RTL4: variants seen among roughly 807,000 people sequenced by gnomAD.
The protein encoded by RTL4 is retrotransposon Gag-like protein 4.
A neutral mutation model predicts 5.3 loss-of-function variants in RTL4; 4 were observed. That is an observed-to-expected ratio of 0.75 (90% CI 0.37 to 1.72). The LOEUF (loss-of-function observed/expected upper bound fraction) is 1.72, where lower values mean the gene tolerates loss of function less well. Ranked by LOEUF, RTL4 falls within the 40% of genes most tolerant of loss-of-function variation. The pLI is 0.04. For missense variants in RTL4, 260 were observed against 227.1 expected (o/e 1.14, Z -0.93); for synonymous variants, 98 against 87.3 (o/e 1.12, Z -0.68).
the RTL4 span, among the ~76,000 whole-genome samples, chrX:112,222,739 G>GAAAA: frequency 3.0e-5 from 3 of 101,669 alleles, no homozygotes; most frequent in South Asian, 1.3e-3. Flanking sequence ...ACTTAAGAAA[G>GAAAA]AAAAAAAAAA....
the RTL4 span, among the ~76,000 whole-genome samples, chrX:112,363,282 G>A: frequency 9.0e-6 from 1 of 111,179 alleles, no homozygotes; most frequent in Non-Finnish European, 1.9e-5. Flanking sequence ...GGGAAATGAA[G>A]ACATACATAA....
chrX:112,352,816 A>C, the RTL4 span, among the ~76,000 whole-genome samples: 191 of 111,710 alleles, frequency 1.7e-3, no homozygotes, highest in African/African-American at 5.9e-3. Context: ...GCAACAAAAG[A>C]CAAAATTGAC....
At chrX:112,451,151 ACAGT>A (rs1254473972), upstream of RTL4, among the ~76,000 whole-genome samples, 2 of 112,012 alleles carry the variant, frequency 1.8e-5, no homozygotes, top group Admixed American at 1.9e-4. Flanking sequence ...ATTCTAAAAC[ACAGT>A]CAGATAACAG....
At chrX:112,172,940 G>T in the RTL4 span, among the ~76,000 whole-genome samples, 1 of 107,045 alleles carries the variant, frequency 9.3e-6, no homozygotes, top group Admixed American at 1.0e-4. Context: ...TCATTTATAA[G>T]TGGGAGCTGA....
chrX:112,262,424 C>T, the RTL4 span, among the ~76,000 whole-genome samples: 14 of 112,176 alleles, frequency 1.2e-4, no homozygotes, highest in East Asian at 2.0e-3. Flanking sequence ...ATTTATGCAG[C>T]CAACAGACAC....
chrX:112,262,741 ACG>A, the RTL4 span, among the ~76,000 whole-genome samples: 1 of 111,133 alleles, frequency 9.0e-6, no homozygotes, highest in African/African-American at 3.3e-5. Flanking sequence ...AGACACATGC[ACG>A]TGTATGTTTA....
the RTL4 span, among the ~76,000 whole-genome samples, chrX:112,332,659 C>T: frequency 1.2e-5 from 1 of 85,529 alleles, no homozygotes; most frequent in Non-Finnish European, 2.1e-5. Flanking sequence ...GGAAGGGGGA[C>T]ATCACACATT....
At chrX:112,134,185 G>A in the RTL4 span, among the ~76,000 whole-genome samples, 2 of 111,904 alleles carry the variant, frequency 1.8e-5, no homozygotes, top group African/African-American at 6.5e-5. Context: ...ATTGAAGCAG[G>A]ATTACCTTCT....
At chrX:112,189,957 G>A in the RTL4 span, among the ~76,000 whole-genome samples, 1 of 111,503 alleles carries the variant, frequency 9.0e-6, no homozygotes, top group African/African-American at 3.3e-5. Flanking sequence ...TTATTTTTCA[G>A]AATTGCTGAT....
the RTL4 span, among the ~76,000 whole-genome samples, chrX:112,285,987 T>A: frequency 8.9e-6 from 1 of 111,766 alleles, no homozygotes; most frequent in Non-Finnish European, 1.9e-5. Context: ...GGAGTAATAA[T>A]TTTTAAAAAG....
the RTL4 span, among the ~76,000 whole-genome samples, chrX:112,223,918 G>C: frequency 8.9e-6 from 1 of 111,877 alleles, no homozygotes; most frequent in Non-Finnish European, 1.9e-5. Flanking sequence ...ATGTAGTGAT[G>C]CCTTGTGATT....
chrX:112,344,095 A>G, the RTL4 span, among the ~76,000 whole-genome samples: 2 of 112,174 alleles, frequency 1.8e-5, no homozygotes, highest in African/African-American at 6.5e-5. Context: ...TAGCCTTAAC[A>G]TTTGTTAAAT....
the RTL4 span, among the ~76,000 whole-genome samples, chrX:112,358,901 T>A: frequency 1.8e-5 from 2 of 111,654 alleles, no homozygotes; most frequent in Non-Finnish European, 3.8e-5. Context: ...TCAGTGTCCA[T>A]CCCTGGATTT....
the RTL4 span, among the ~76,000 whole-genome samples, chrX:112,264,748 G>A: frequency 8.9e-6 from 1 of 111,854 alleles, no homozygotes; most frequent in Admixed American, 9.5e-5. Flanking sequence ...TGGGATAAGA[G>A]AGGTGAATGC....
At chrX:112,439,150 GC>G in the RTL4 span, among the ~76,000 whole-genome samples, 1 of 111,529 alleles carries the variant, frequency 9.0e-6, no homozygotes, top group South Asian at 3.8e-4. Context: ...GGTCGTGAGG[GC>G]TTTTGGCAGA....
chrX:112,350,736 G>A, the RTL4 span, among the ~76,000 whole-genome samples: 6 of 110,688 alleles, frequency 5.4e-5, no homozygotes, highest in Non-Finnish European at 7.6e-5. Flanking sequence ...TTTTTATTGC[G>A]TCTATGTGAT....
chrX:112,389,678 A>G, the RTL4 span, among the ~76,000 whole-genome samples: 164 of 111,177 alleles, frequency 1.5e-3, no homozygotes, highest in African/African-American at 5.2e-3. Context: ...ATTCAGGAGC[A>G]TGTTGTTTAA....
At chrX:112,398,396 CTTTTTTT>C in the RTL4 span, among the ~76,000 whole-genome samples, 2 of 72,169 alleles carry the variant, frequency 2.8e-5, no homozygotes, top group African/African-American at 1.2e-4. Context: ...TTCTTTCTTT[CTTTTTTT>C]TTTTTTTTTT....
At chrX:112,392,700 C>T in the RTL4 span, among the ~76,000 whole-genome samples, 1 of 111,911 alleles carries the variant, frequency 8.9e-6, no homozygotes, top group Admixed American at 9.4e-5. Flanking sequence ...AAGATGGTGG[C>T]TCACCCCTCC....
Sources: allele counts gnomAD v4.1 joint callset (sites outside exome capture counted in the v4.1 genomes callset), GRCh38; gene constraint gnomAD v4.1.1; transcripts MANE v1.5; gene names NCBI Gene and HGNC (gene_info 2026-07-23, HGNC 2026-07-21).